The following POU6F2 variants were observed in gnomAD, a reference collection of about 807,000 sequenced individuals.
POU6F2 encodes the protein POU class 6 homeobox 2.
A neutral mutation model predicts 71.3 loss-of-function variants in POU6F2; 31 were observed. The observed-to-expected ratio is 0.43, with a 90% confidence interval of 0.33 to 0.59. The LOEUF (loss-of-function observed/expected upper bound fraction) is 0.59. Among genes scored for constraint, POU6F2 ranks in the 20% least tolerant of loss-of-function variants. The pLI, the probability that POU6F2 is intolerant of heterozygous loss-of-function variation, is 0.04. For synonymous variants in POU6F2, 347 were observed against 355.7 expected (o/e 0.98, Z 0.27); for missense variants, 783 against 856.8 (o/e 0.91, Z 1.07).
At chr7:38,990,719 C>G (rs1043482199) in intron 1 of POU6F2, among the ~76,000 whole-genome samples, 1 of 152,094 alleles carries the variant, frequency 6.6e-6, no homozygotes, top group Non-Finnish European at 1.5e-5. Flanking sequence ...CGCCACCTCT[C>G]CACACCTGCA....
rs1250247528 is a variant in POU6F2 at position 39,465,574 on chromosome 7, C to T, written c.*888C>T. 1.3e-5 allele frequency: 2 copies of T among 152,188 alleles called. No individual in the cohort carries two copies. Among genetic ancestry groups the T allele is most frequent in the African/African-American group, 2.4e-5 (1 of 41,442 alleles). The allele number at this position is 152,188 out of a possible 1,614,324, so 9.4% of individuals were successfully genotyped here. ...ATTTCTCTCTTTTCCTCCATTTCTC[C>T]ATCTCCCTCGCGCGTGGCTCCTGGG... On this transcript the variant is annotated 3_prime_UTR_variant, in exon 10 of 10. Transcript: ENST00000518318.
chr7:39,012,344 G>T (rs1258374933), intron 1 of POU6F2, among the ~76,000 whole-genome samples: 1 of 150,368 alleles, frequency 6.7e-6, no homozygotes, highest in African/African-American at 2.5e-5. Context: ...CATTCTTCAC[G>T]TAGTTCTCGA....
chr7:39,053,629 A>G (rs765560139), intron 1 of POU6F2, among the ~76,000 whole-genome samples: 9 of 152,132 alleles, frequency 5.9e-5, no homozygotes, highest in Non-Finnish European at 1.2e-4. Context: ...ATAATCTGCA[A>G]GCATATGTTA....
chr7:39,354,560 G>A (rs1200231147), intron 5 of POU6F2, among the ~76,000 whole-genome samples: 1 of 152,194 alleles, frequency 6.6e-6, no homozygotes, highest in South Asian at 2.1e-4. Flanking sequence ...ACCATACCAT[G>A]TGTTCAGGGT....
rs144817326 is a variant in POU6F2, at chr7:39,085,866, A to G, written c.112A>G (p.Met38Val). Residue 38 changes from methionine to valine, a missense_variant, in exon 2 of 10, where the codon ATG (methionine) becomes GTG (valine). By Grantham distance (21) the Met-to-Val change is conservative. Transcript: ENST00000518318. ...CTCTTTTCGCCCATCCTAGGATCCA[A>G]TGATAGCTGGACAAGTCAGTAAGCC... ...TMQAVIGQDP[M>V]IAGQVSKPLL... is the part of the protein sequence containing the mutation. 2.3e-4 allele frequency: 376 copies of G among 1,613,430 alleles called. 3 individuals carry two copies. In the South Asian group the frequency reaches 3.1e-3, roughly 13 times the overall value.
At chr7:39,015,036 G>A (rs983272658) in intron 1 of POU6F2, among the ~76,000 whole-genome samples, 8 of 151,822 alleles carry the variant, frequency 5.3e-5, no homozygotes, top group Non-Finnish European at 1.2e-4. Context: ...TGACCACTGA[G>A]AATATTTATC....
chr7:39,100,896 T>G (rs1791557190), intron 2 of POU6F2, among the ~76,000 whole-genome samples: 1 of 152,092 alleles, frequency 6.6e-6, no homozygotes. Flanking sequence ...AAATACAAGG[T>G]TGGGCTACCT....
chr7:39,252,499 T>C (rs531762784), intron 4 of POU6F2, among the ~76,000 whole-genome samples: 1 of 151,638 alleles, frequency 6.6e-6, no homozygotes, highest in East Asian at 1.9e-4. Context: ...CAGCTTGAAA[T>C]AGAGACATCT....
chr7:39,215,584 A>T (rs1404383105), intron 4 of POU6F2, among the ~76,000 whole-genome samples: 2 of 152,168 alleles, frequency 1.3e-5, no homozygotes, highest in African/African-American at 4.8e-5. Flanking sequence ...TATTTACTGA[A>T]CTTTCAAAGC....
rs377546279 is a variant in POU6F2 at position 39,150,930 on chromosome 7, G to A, written c.278-53305G>A. 1.4e-3 allele frequency among the ~76,000 whole-genome samples: 208 copies of A among 151,972 alleles called. 3 individuals are homozygous for A. In the South Asian group the frequency reaches 0.023, roughly 17 times the overall value. On this transcript the variant is annotated intron_variant, in intron 2 of 9. Transcript: ENST00000518318. ...TTTACCTGATGATGAATGATGTTGA[G>A]CGCCTTTATATGAGGTTATTTATAG... is the stretch of plus-strand genomic sequence containing the variant.
At chr7:39,026,315 G>T (rs1313369885) in intron 1 of POU6F2, among the ~76,000 whole-genome samples, 1 of 151,876 alleles carries the variant, frequency 6.6e-6, no homozygotes, top group Non-Finnish European at 1.5e-5. Flanking sequence ...GTTTATTGCG[G>T]CACTATTCAC....
chr7:39,294,394 C>T (rs1583503311), intron 4 of POU6F2, among the ~76,000 whole-genome samples: 4 of 145,260 alleles, frequency 2.8e-5, no homozygotes, highest in East Asian at 4.7e-4. Flanking sequence ...ATTACTTTTG[C>T]GCCAACCTAA....
chr7:39,232,840 A>G (rs1284318624), intron 4 of POU6F2, among the ~76,000 whole-genome samples: 3 of 152,212 alleles, frequency 2.0e-5, no homozygotes, highest in East Asian at 3.8e-4. Flanking sequence ...TTTGGGATCA[A>G]TTTCCATGGC....
intron 2 of POU6F2, among the ~76,000 whole-genome samples, chr7:39,189,030 C>T (rs1313886098): frequency 6.6e-6 from 1 of 152,190 alleles, no homozygotes; most frequent in Non-Finnish European, 1.5e-5. Context: ...TGGGGTCCAT[C>T]ATATACTCTC....
intron 1 of POU6F2, among the ~76,000 whole-genome samples, chr7:38,986,591 G>T (rs1032954096): frequency 6.6e-6 from 1 of 152,048 alleles, no homozygotes; most frequent in Non-Finnish European, 1.5e-5. Context: ...GTACATGAAC[G>T]CAATTCTTAT....
In POU6F2 at chr7:39,051,974, G is replaced by A. The variant is rs907444961; in HGVS notation, c.106-33886G>A. On this transcript the variant is annotated intron_variant, in intron 1 of 9. Transcript: ENST00000518318. ...ATTTGTGTGGCGATTCACCTGTCAC[G>A]TACTCATGAACACTGAACTGGCTAG... is the stretch of plus-strand genomic sequence containing the variant. Among the ~76,000 whole-genome samples the A allele has an allele frequency of 2.6e-5, 4 of 152,114 alleles. No individual in the cohort carries two copies. The South Asian group carries it at 8.3e-4, about 31-fold the overall frequency.
At chr7:39,048,390 G>A (rs1790334859) in intron 1 of POU6F2, among the ~76,000 whole-genome samples, 1 of 151,694 alleles carries the variant, frequency 6.6e-6, no homozygotes, top group South Asian at 2.1e-4. Context: ...AGGCCCCAGT[G>A]TCTGTTGTTC....
At chr7:39,178,692 A>G (rs1162996728) in intron 2 of POU6F2, among the ~76,000 whole-genome samples, 2 of 152,222 alleles carry the variant, frequency 1.3e-5, no homozygotes, top group Non-Finnish European at 2.9e-5. Context: ...AATCAAGTTC[A>G]GAGACAGCAA....
rs117766244 is a variant in POU6F2, at chr7:39,327,696, A to T, written c.599-11946A>T. ...AAAATATATAAATCATATATATATA[A>T]AATTCTGTGTACATATATATATAGA... On this transcript the variant is annotated intron_variant, in intron 4 of 9. Transcript: ENST00000518318. Among the ~76,000 whole-genome samples, 613 of 151,886 alleles carry T rather than the reference A, an allele frequency of 4.0e-3. 33 individuals carry two copies. In the East Asian group the frequency reaches 0.11, roughly 26 times the overall value.
Sources: allele counts gnomAD v4.1 joint callset (sites outside exome capture counted in the v4.1 genomes callset), GRCh38; gene constraint gnomAD v4.1.1; transcripts MANE v1.5; gene names NCBI Gene and HGNC (gene_info 2026-07-23, HGNC 2026-07-21).